OR3A2: variants seen among roughly 807,000 people sequenced by gnomAD.
OR3A2 encodes the protein olfactory receptor 3A2.
For missense variants in OR3A2, 318 were observed against 392.8 expected (o/e 0.81, Z 1.61); for synonymous variants, 126 against 159.3 (o/e 0.79, Z 1.57).
chr17:3,308,345 C>T (rs2049013406), intron 3 of OR3A2, among the ~76,000 whole-genome samples: 1 of 152,084 alleles, frequency 6.6e-6, no homozygotes, highest in Non-Finnish European at 1.5e-5. Flanking sequence ...GGCTGCTGGG[C>T]CGGCGGGACT....
At chr17:3,360,926 TTAAAG>T (rs1305632071) in intron 2 of OR3A2, among the ~76,000 whole-genome samples, 6 of 151,764 alleles carry the variant, frequency 4.0e-5, no homozygotes, top group Middle Eastern at 3.4e-3. Flanking sequence ...CATATGAACT[TTAAAG>T]TAGTTTTTCC....
chr17:3,319,584 T>C (rs1055124532), intron 3 of OR3A2, among the ~76,000 whole-genome samples: 4 of 152,266 alleles, frequency 2.6e-5, no homozygotes, highest in African/African-American at 2.4e-5. Flanking sequence ...GTCCATGTGT[T>C]CTCACTGTTG....
intron 3 of OR3A2, among the ~76,000 whole-genome samples, chr17:3,296,173 C>T (rs954162006): frequency 6.6e-6 from 1 of 151,914 alleles, no homozygotes; most frequent in African/African-American, 2.4e-5. Context: ...ATGATCACAG[C>T]CCAATGGAAA....
At chr17:3,350,459 T>C (rs2049410777) in intron 2 of OR3A2, among the ~76,000 whole-genome samples, 1 of 151,578 alleles carries the variant, frequency 6.6e-6, no homozygotes, top group Non-Finnish European at 1.5e-5. Context: ...CCTCGACACA[T>C]ACACTCTCCC....
rs200399013 is a variant in OR3A2, at chr17:3,314,345, GAGT to G, written c.-85+21685_-85+21687del. Among the ~76,000 whole-genome samples, 595 of 151,942 alleles carry G rather than the reference GAGT, an allele frequency of 3.9e-3. 5 individuals carry two copies. The highest frequency in any genetic ancestry group is 0.013 in the African/African-American group (550 of 41,242). On this transcript the variant is annotated intron_variant, in intron 3 of 4. Coordinates refer to the OR3A2 transcript ENST00000573491. ...TCCTTAATTCATCTTCTAAAGTAAAGAGTTTTTAACTCTGCTATGCAAATATAA... is the reference window on the plus strand; with the variant it reads ...TCCTTAATTCATCTTCTAAAGTAAAGTTTTAACTCTGCTATGCAAATATAA...
intron 3 of OR3A2, among the ~76,000 whole-genome samples, chr17:3,295,454 C>T (rs547209636): frequency 1.3e-5 from 2 of 151,900 alleles, no homozygotes; most frequent in East Asian, 3.9e-4. Context: ...TAAAAGTAAC[C>T]CTAGAAAAAA....
chr17:3,282,177 G>C (rs1191024463), intron 1 of OR3A2, among the ~76,000 whole-genome samples: 1 of 152,160 alleles, frequency 6.6e-6, no homozygotes, highest in Admixed American at 6.5e-5. Context: ...CACTTTGGGA[G>C]GCTGAGGTGG....
intron 3 of OR3A2, among the ~76,000 whole-genome samples, chr17:3,320,754 T>C (rs369121226): frequency 6.6e-5 from 10 of 151,984 alleles, no homozygotes; most frequent in Non-Finnish European, 1.2e-4. Flanking sequence ...GTTTTGGTAC[T>C]AGTACCATGC....
chr17:3,379,836 G>C (rs2318029), intron 2 of OR3A2, among the ~76,000 whole-genome samples: 23,032 of 152,134 alleles, frequency 0.15, 2,323 homozygotes, highest in African/African-American at 0.28. Flanking sequence ...GAGCACAGCA[G>C]ACCAGCACAG....
chr17:3,365,679 G>A (rs1172933121), intron 2 of OR3A2, among the ~76,000 whole-genome samples: 13 of 152,196 alleles, frequency 8.5e-5, no homozygotes, highest in Admixed American at 8.5e-4. Flanking sequence ...CAGCAGGGAA[G>A]AGAGGGATGG....
At chr17:3,303,435 A>G (rs2048979251) in intron 3 of OR3A2, among the ~76,000 whole-genome samples, 1 of 152,084 alleles carries the variant, frequency 6.6e-6, no homozygotes, top group African/African-American at 2.4e-5. Context: ...AAGTATCCAA[A>G]ATATATTTCA....
At position 3,291,372 on chromosome 17, in the gene OR3A2, G is replaced by C. The variant is rs528856443; in HGVS notation, c.-84-12219C>G. 77 of 362,106 alleles carry C rather than the reference G, an allele frequency of 2.1e-4. No individual in the cohort carries two copies. The East Asian group carries it at 3.2e-3, about 15-fold the overall frequency. The allele number at this position is 362,106 out of a possible 1,614,324, so 22.4% of individuals were successfully genotyped here. The stretch of plus-strand genomic sequence containing the variant: ...ACCTGTCAGCACTCACAGCTTCCTA[G>C]GTTTCACCTCTAGCCAGAAAGGAGA... On this transcript the variant is annotated intron_variant, in intron 3 of 4. Coordinates refer to the OR3A2 transcript ENST00000573491.
chr17:3,295,982 T>C (rs748621303), intron 3 of OR3A2, among the ~76,000 whole-genome samples: 31 of 152,118 alleles, frequency 2.0e-4, no homozygotes, highest in Non-Finnish European at 3.8e-4. Context: ...TTTCAGTCCA[T>C]ATAAATTTAA....
Position 3,278,078 on chromosome 17 carries a change from GA to G in OR3A2, c.839del (p.Phe280SerfsTer9). 1 of 1,614,192 alleles carries G rather than the reference GA, an allele frequency of 6.2e-7. No individual in the cohort carries two copies. Among genetic ancestry groups the G allele is most frequent in the Non-Finnish European group, 8.5e-7 (1 of 1,180,022 alleles). Reference sequence around the variant, plus strand: ...TCAGCATAGGGTTGATAACAGTGTTGAAAACTCCAACCCCTTTATCCTTGTC... The same window carrying G: ...TCAGCATAGGGTTGATAACAGTGTTGAAACTCCAACCCCTTTATCCTTGTC... On this transcript the variant is annotated frameshift_variant, in exon 2 of 2. Transcript: ENST00000642052. LOFTEE classifies it low-confidence loss of function (END_TRUNC).
intron 1 of OR3A2, among the ~76,000 whole-genome samples, chr17:3,385,378 T>A (rs913229398): frequency 6.6e-6 from 1 of 152,164 alleles, no homozygotes; most frequent in Non-Finnish European, 1.5e-5. Flanking sequence ...AGTAAATAGA[T>A]GTTAGATAGA....
chr17:3,293,774 C>T (rs1427774831), intron 3 of OR3A2, among the ~76,000 whole-genome samples: 1 of 152,116 alleles, frequency 6.6e-6, no homozygotes, highest in Admixed American at 6.5e-5. Flanking sequence ...TACTATGCAG[C>T]CATGAAAAAG....
intron 3 of OR3A2, among the ~76,000 whole-genome samples, chr17:3,298,898 G>A (rs972589355): frequency 6.6e-6 from 1 of 152,154 alleles, no homozygotes; most frequent in African/African-American, 2.4e-5. Flanking sequence ...GGGGATCTCA[G>A]AATTAGCCCT....
chr17:3,323,790 A>AT (rs1267182740), intron 3 of OR3A2, among the ~76,000 whole-genome samples: 2 of 151,758 alleles, frequency 1.3e-5, no homozygotes, highest in Non-Finnish European at 2.9e-5. Flanking sequence ...TGCCCTTAAC[A>AT]TTTTTTCCTT....
chr17:3,332,064 C>G (rs1182247421), intron 3 of OR3A2, among the ~76,000 whole-genome samples: 1 of 152,176 alleles, frequency 6.6e-6, no homozygotes, highest in Non-Finnish European at 1.5e-5. Context: ...AGGAGGCAGT[C>G]TGCCCATTCT....
Sources: gnomAD v4.1 joint callset for allele counts (sites outside exome capture counted in the v4.1 genomes callset) on GRCh38, gnomAD v4.1.1 for gene constraint, MANE v1.5 for transcripts, NCBI Gene and HGNC (gene_info 2026-07-23, HGNC 2026-07-21) for gene names.